Variants in PHLDB3 observed in about 807,000 individuals in gnomAD.
PHLDB3 encodes the protein pleckstrin homology-like domain family B member 3.
PHLDB3 carries 86 observed loss-of-function variants against 85.7 expected under a neutral mutation model. The ratio of observed to expected loss-of-function variants is 1.00; its 90% CI spans 0.84 to 1.20. The LOEUF is 1.20. Ranked by LOEUF, PHLDB3 falls within the 50% of genes most tolerant of loss-of-function variation. The pLI is 0.00. For missense variants in PHLDB3, 995 were observed against 873.0 expected, an observed-to-expected ratio of 1.14 and a Z score of -1.76; for synonymous variants, 376 against 349.8, an observed-to-expected ratio of 1.07 and a Z score of -0.83.
intron 6 of PHLDB3, 89 bp from the exon 7 acceptor site, chr19:43,495,709 A>T: frequency 3.4e-6 from 5 of 1,480,140 alleles, no homozygotes; most frequent in Non-Finnish European, 3.6e-6. Flanking sequence ...GCTGGGGTTT[A>T]CTCCAGCCAC....
Position 43,486,629 on chromosome 19 carries a change from C to G in PHLDB3, c.1408G>C (p.Glu470Gln), listed in dbSNP as rs1229029813. 1 of 1,613,690 alleles carries G rather than the reference C, an allele frequency of 6.2e-7. No individual in the cohort carries two copies. The highest frequency in any genetic ancestry group is 1.3e-5 in the African/African-American group (1 of 75,046). ...CTCACCCGGGCCTTGAGCAGCCGCT[C>G]CCTCTCCGCCATGGCCTGCTGCAGG... ...RLLQQAMAERERLLKAREGTR... is the reference protein window; with the variant it reads ...RLLQQAMAERQRLLKAREGTR... The change falls in exon 12 of 16, where the codon GAG becomes CAG. Residue 470 changes from glutamate (E) to glutamine (Q), a missense_variant. Coordinates refer to ENST00000292140, the MANE Select transcript of PHLDB3 (RefSeq NM_198850.4).
At chr19:43,498,833 G>A (rs1451341843) in intron 4 of PHLDB3, among the ~76,000 whole-genome samples, 1 of 152,226 alleles carries the variant, frequency 6.6e-6, no homozygotes, top group Non-Finnish European at 1.5e-5. Flanking sequence ...TTTGGGCAGA[G>A]GAAGCGGCTT....
intron 9 of PHLDB3, among the ~76,000 whole-genome samples, chr19:43,488,802 CAT>C (rs1971244334): frequency 1.3e-5 from 2 of 149,586 alleles, no homozygotes; most frequent in Non-Finnish European, 1.5e-5. Context: ...CTCCATAGAC[CAT>C]TTTTTTTTTT....
In PHLDB3 at chr19:43,475,542, G is replaced by A; in HGVS notation, c.1791C>T (p.Ser597=). 6.2e-7 allele frequency: 1 copy of A among 1,613,852 alleles called. No individual in the cohort carries two copies. Among genetic ancestry groups the A allele is most frequent in the Non-Finnish European group, 8.5e-7 (1 of 1,179,832 alleles). ...YYDHLRCAFK[S]PNPRLTFCVK... The stretch of plus-strand genomic sequence containing the variant: ...CGCAGAAGGTCAGGCGGGGGTTGGG[G>A]CTCTGGAATAAGCAGAAAGTGAGGG... Residue 597 remains serine (S), a splice_region_variant and synonymous_variant, in exon 16 of 16, where the codon AGC becomes AGT. Transcript: ENST00000292140.
chr19:43,477,671 C>T (rs536235573), intron 15 of PHLDB3, among the ~76,000 whole-genome samples: 26 of 148,590 alleles, frequency 1.7e-4, no homozygotes, highest in Admixed American at 1.5e-3. Flanking sequence ...AAAAATTAGC[C>T]GGGCACGGTG....
intron 4 of PHLDB3, 81 bp downstream of exon 4, chr19:43,501,653 G>C (rs1971601152): frequency 6.5e-7 from 1 of 1,535,936 alleles, no homozygotes; most frequent in Middle Eastern, 1.7e-4. Flanking sequence ...GACAACCCCG[G>C]GGCGCAGGTG....
chr19:43,495,682 C>T, intron 6 of PHLDB3, 62 bp from the exon 7 acceptor site: 1 of 1,546,978 alleles, frequency 6.5e-7, no homozygotes, highest in Non-Finnish European at 8.7e-7. Flanking sequence ...TCCCACAGAA[C>T]CACATCTGCC....
At chr19:43,484,362 TTAA>T (rs766872054) in intron 13 of PHLDB3, among the ~76,000 whole-genome samples, 3 of 149,170 alleles carry the variant, frequency 2.0e-5, no homozygotes, top group Non-Finnish European at 3.0e-5. Flanking sequence ...TATAATGAAA[TTAA>T]TAATCTCATA....
rs1328531600 is a variant in PHLDB3, at chr19:43,475,175, T to G, written c.*235A>C. On this transcript the variant is annotated 3_prime_UTR_variant, in exon 16 of 16. Transcript: ENST00000292140. ...AAATAGTTTCTTCCCGCCCCTGCAA[T>G]CTTCCTCCTGCCCCGGGCAGGGCCT... is the stretch of plus-strand genomic sequence containing the variant. The G allele has an allele frequency of 3.9e-6, 2 of 514,532 alleles. No individual in the cohort carries two copies. Among genetic ancestry groups the G allele is most frequent in the Admixed American group, 7.0e-5 (2 of 28,668 alleles). The allele number at this position is 514,532 out of a possible 1,614,324, so 31.9% of individuals were successfully genotyped here. A position where few individuals can be genotyped will look rare whatever the true frequency, so the allele number is the denominator to read the frequency against.
rs1167897767 is a variant in PHLDB3, at chr19:43,487,591, A to AAAAAAAAAAAAAAAAAAAAAAAAAAAAAC, written c.1150-469_1150-468insGTTTTTTTTTTTTTTTTTTTTTTTTTTTT. ...CTCTGTCTCAAAAAAAAAAAAAAAA[A>AAAAAAAAAAAAAAAAAAAAAAAAAAAAAC]ACACAGAAAAGAAAAAAAGAAATGT... On this transcript the variant is annotated intron_variant, in intron 9 of 15. Transcript: ENST00000292140. 1.5e-3 allele frequency among the ~76,000 whole-genome samples: 173 copies of AAAAAAAAAAAAAAAAAAAAAAAAAAAAAC among 115,682 alleles called. 15 individuals carry two copies. The highest frequency in any genetic ancestry group is 2.3e-3 in the Non-Finnish European group (117 of 51,384). The allele number at this position is 115,682 out of a possible 152,430, so 75.9% of individuals were successfully genotyped here. A position where few individuals can be genotyped will look rare whatever the true frequency, so the allele number is the denominator to read the frequency against.
Position 43,497,774 on chromosome 19 carries a change from C to T in PHLDB3, c.637G>A (p.Glu213Lys), listed in dbSNP as rs757736271. The T allele has an allele frequency of 8.4e-6, 13 of 1,553,156 alleles. No homozygotes were observed. The highest frequency in any genetic ancestry group is 1.7e-4 in the Middle Eastern group (1 of 6,016). The change falls in exon 5 of 16, where the codon GAG (glutamate) becomes AAG (lysine). Residue 213 changes from glutamate (E) to lysine (K), a missense_variant. Physicochemically the swap from Glu to Lys is moderately conservative, Grantham distance 56 (BLOSUM62 1). Coordinates refer to ENST00000292140, the MANE Select transcript of PHLDB3 (RefSeq NM_198850.4). ...QLDSQPEDQR[E>K]RLLQGVQEMR... ...TCCTGCACACCCTGCAGAAGCCGCT[C>T]GCGTTGGTCCTCTGGCTGTGAGTCG... is the stretch of plus-strand genomic sequence containing the variant.
intron 6 of PHLDB3, chr19:43,496,873 G>GA (rs35557273): frequency 0.022 from 9,624 of 436,350 alleles, 13 homozygotes; most frequent in East Asian, 0.061. Flanking sequence ...TTTATAACGT[G>GA]AAAAAAAAAA....
chr19:43,497,660 C>G (rs540281382), intron 5 of PHLDB3, 88 bp downstream of exon 5: 18 of 1,396,996 alleles, frequency 1.3e-5, no homozygotes, highest in Middle Eastern at 2.4e-4. Flanking sequence ...TGCAGTGAGC[C>G]GAGATCGCAC....
At chr19:43,479,107 A>T (rs1158258903) in intron 14 of PHLDB3, among the ~76,000 whole-genome samples, 1 of 152,024 alleles carries the variant, frequency 6.6e-6, no homozygotes, top group African/African-American at 2.4e-5. Flanking sequence ...ATTGTACTAA[A>T]CTGTTATCTA....
intron 13 of PHLDB3, among the ~76,000 whole-genome samples, chr19:43,485,503 G>T (rs750072431): frequency 1.3e-5 from 2 of 148,920 alleles, no homozygotes; most frequent in Non-Finnish European, 3.0e-5. Context: ...GAGCCACTGC[G>T]CCCGGCCTAA....
chr19:43,486,324 T>C lies in PHLDB3; in HGVS notation c.1429-2A>G, dbSNP rs1184128197. ...TTCCGTGCCCCTTCTTGTTCCTTCC[T>C]GTGGATTCAGGATGAAGCACTCAAT... On this transcript the variant is annotated splice_acceptor_variant, in intron 12 of 15. Transcript: ENST00000292140. LOFTEE classifies it high-confidence loss of function. 1.2e-6 allele frequency: 2 copies of C among 1,604,512 alleles called. No individual in the cohort carries two copies. Among genetic ancestry groups the C allele is most frequent in the African/African-American group, 2.7e-5 (2 of 74,874 alleles).
intron 13 of PHLDB3, among the ~76,000 whole-genome samples, chr19:43,481,312 G>A (rs904417178): frequency 2.6e-5 from 4 of 152,080 alleles, no homozygotes; most frequent in African/African-American, 7.2e-5. Context: ...GCGAAACCCC[G>A]TCTCTACAAA....
intron 9 of PHLDB3, among the ~76,000 whole-genome samples, chr19:43,491,936 C>A (rs1971323001): frequency 7.2e-6 from 1 of 139,350 alleles, no homozygotes; most frequent in African/African-American, 2.7e-5. Flanking sequence ...TGAGCCACTG[C>A]ACCTGGCCGT....
At chr19:43,486,107 A>C in intron 13 of PHLDB3, 159 bp downstream of exon 13, 1 of 985,430 alleles carries the variant, frequency 1.0e-6, no homozygotes, top group Non-Finnish European at 1.2e-6. Flanking sequence ...GGTCATGGGA[A>C]CAGGAACTGG....
Sources: gnomAD v4.1 joint callset for allele counts (sites outside exome capture counted in the v4.1 genomes callset) on GRCh38, gnomAD v4.1.1 for gene constraint, MANE v1.5 for transcripts, NCBI Gene and HGNC (gene_info 2026-07-23, HGNC 2026-07-21) for gene names.